The following SCAMP5 variants were observed in gnomAD, a reference collection of about 807,000 sequenced individuals.
The protein encoded by SCAMP5 is secretory carrier-associated membrane protein 5.
A neutral mutation model predicts 28.3 loss-of-function variants in SCAMP5; 7 were observed. That is an observed-to-expected ratio of 0.25 (90% CI 0.14 to 0.46). SCAMP5 has a LOEUF of 0.46. Ranked by LOEUF, SCAMP5 falls within the 20% of genes least tolerant of loss-of-function variation. The pLI, the probability that SCAMP5 is intolerant of heterozygous loss-of-function variation, is 0.99. For synonymous variants in SCAMP5, 117 were observed against 116.4 expected (o/e 1.00, Z -0.03); for missense variants, 192 against 312.5 (o/e 0.61, Z 2.91).
At chr15:74,997,321 G>A (rs2065662397) in intron 1 of SCAMP5, 1 of 152,114 alleles carries the variant, frequency 6.6e-6, no homozygotes, top group Non-Finnish European at 1.5e-5. Context: ...CAGCAGGTTT[G>A]ACAGCAGCTT....
At chr15:75,015,048 G>C (rs188579470) in intron 3 of SCAMP5, among the ~76,000 whole-genome samples, 74 of 152,302 alleles carry the variant, frequency 4.9e-4, no homozygotes, top group African/African-American at 1.6e-3. Context: ...TCTGACCTGG[G>C]CTCTGGGAAC....
At chr15:75,005,428 C>T (rs2065747770) in intron 1 of SCAMP5, among the ~76,000 whole-genome samples, 1 of 151,682 alleles carries the variant, frequency 6.6e-6, no homozygotes, top group African/African-American at 2.4e-5. Context: ...CCATTGCACT[C>T]CATCCTAGGC....
At chr15:75,009,443 G>GTGTGTGTT (rs1195540664) in intron 1 of SCAMP5, among the ~76,000 whole-genome samples, 3 of 109,810 alleles carry the variant, frequency 2.7e-5, no homozygotes, top group African/African-American at 9.3e-5. Context: ...CTAGAAGTTT[G>GTGTGTGTT]TGTGTGTGTG....
intron 1 of SCAMP5, among the ~76,000 whole-genome samples, chr15:75,003,581 G>T (rs575161046): frequency 6.6e-6 from 1 of 152,170 alleles, no homozygotes; most frequent in South Asian, 2.1e-4. Context: ...AAGCCAGGGC[G>T]GGTAGATCGC....
Position 75,018,677 on chromosome 15 carries a change from G to C in SCAMP5, c.514-112G>C. 1 of 1,010,608 alleles carries C rather than the reference G, an allele frequency of 9.9e-7. No individual in the cohort carries two copies. The highest frequency in any genetic ancestry group is 1.6e-6 in the Non-Finnish European group (1 of 643,022). The allele number at this position is 1,010,608 out of a possible 1,614,324, so 62.6% of individuals were successfully genotyped here. ...TGGCCTGCAGGACTCTCCTACAGAGGCATTCATGGGGAGGGAGCACTGTTT... is the reference window on the plus strand; with the variant it reads ...TGGCCTGCAGGACTCTCCTACAGAGCCATTCATGGGGAGGGAGCACTGTTT... On this transcript the variant is annotated intron_variant, in intron 6 of 6. Coordinates refer to ENST00000425597, the MANE Select transcript of SCAMP5 (RefSeq NM_138967.4). This position sits in a 1 kb window ranked among gnomAD's most constrained non-coding sequence, Gnocchi z 5.6.
chr15:75,011,808 G>T lies in SCAMP5; in HGVS notation c.-32G>T, dbSNP rs1414081565. On this transcript the variant is annotated 5_prime_UTR_variant, in exon 2 of 7. Coordinates refer to ENST00000425597, the MANE Select transcript of SCAMP5 (RefSeq NM_138967.4). ...TCCTTGCAGTTCAGGACAAAGAGGT[G>T]TGGGCAGGCCACTGGGCCAGCTGGT... 1 of 1,608,982 alleles carries T rather than the reference G, an allele frequency of 6.2e-7. No individual in the cohort carries two copies. The highest frequency in any genetic ancestry group is 2.2e-5 in the East Asian group (1 of 44,876).
At chr15:75,002,084 C>T (rs995387388) in intron 1 of SCAMP5, among the ~76,000 whole-genome samples, 1 of 151,764 alleles carries the variant, frequency 6.6e-6, no homozygotes, top group Non-Finnish European at 1.5e-5. Flanking sequence ...CCAGGCTGGG[C>T]AATAGAGTGA....
chr15:75,016,307 T>C lies in SCAMP5; in HGVS notation c.137-286T>C, dbSNP rs2065858953. Among the ~76,000 whole-genome samples, 3 of 152,152 alleles carry C rather than the reference T, an allele frequency of 2.0e-5. No individual in the cohort carries two copies. The South Asian group carries it at 6.2e-4, about 32-fold the overall frequency. ...GCTGGGGTTGAGGGGTGGGGGTTGG[T>C]TCGAGCTCCCAGCTTGCGTTCTTAC... On this transcript the variant is annotated intron_variant, in intron 3 of 6. Transcript: ENST00000425597.
At position 75,021,133 on chromosome 15, in the gene SCAMP5, A is replaced by G. The variant is rs1482558414; in HGVS notation, c.*2150A>G. On this transcript the variant is annotated 3_prime_UTR_variant, in exon 7 of 7. Coordinates refer to ENST00000425597, the MANE Select transcript of SCAMP5 (RefSeq NM_138967.4). ...CTACCTGCCTCTTTGGCTTGGACCT[A>G]TATGGCCATGCTCTGGCTCTACCCT... The G allele has an allele frequency of 6.6e-6, 1 of 152,076 alleles. No homozygotes were observed. Among genetic ancestry groups the G allele is most frequent in the Non-Finnish European group, 1.5e-5 (1 of 68,096 alleles). 9.4% of individuals were successfully genotyped at this position (152,076 alleles called of 1,614,324 possible). A position where few individuals can be genotyped will look rare whatever the true frequency, so the allele number is the denominator to read the frequency against.
intron 1 of SCAMP5, chr15:74,995,896 C>G (rs1354614164): frequency 1.3e-5 from 2 of 153,240 alleles, no homozygotes; most frequent in South Asian, 2.1e-4. Flanking sequence ...GCCCCCCAAG[C>G]CCCCCCATTC....
intron 1 of SCAMP5, among the ~76,000 whole-genome samples, chr15:75,000,663 C>T (rs1007166164): frequency 6.8e-6 from 1 of 146,458 alleles, no homozygotes; most frequent in African/African-American, 2.5e-5. Context: ...GGATTACAGG[C>T]GTGAGCCATC....
chr15:75,011,932 A>C (rs1410272196), intron 2 of SCAMP5, 86 bp downstream of exon 2: 9 of 1,117,916 alleles, frequency 8.1e-6, no homozygotes, highest in Non-Finnish European at 1.2e-5. Context: ...TATCTCCCCT[A>C]GTCTTTGGAG....
intron 1 of SCAMP5, among the ~76,000 whole-genome samples, chr15:75,005,869 C>T (rs2065752494): frequency 6.6e-6 from 1 of 151,570 alleles, no homozygotes; most frequent in African/African-American, 2.4e-5. Flanking sequence ...GGACTACAAG[C>T]ACGTGCTACC....
intron 2 of SCAMP5, among the ~76,000 whole-genome samples, chr15:75,012,415 G>A (rs1276797275): frequency 6.6e-6 from 1 of 152,208 alleles, no homozygotes; most frequent in Non-Finnish European, 1.5e-5. Flanking sequence ...CCCTGAGACA[G>A]TGTCACTCAG....
intron 1 of SCAMP5, among the ~76,000 whole-genome samples, chr15:75,009,441 TTGTGTGTGTG>T (rs3057655): frequency 1.1e-4 from 15 of 136,144 alleles, no homozygotes; most frequent in South Asian, 2.5e-4. Context: ...TGCTAGAAGT[TTGTGTGTGTG>T]TGTGTGTGTG....
intron 4 of SCAMP5, among the ~76,000 whole-genome samples, chr15:75,017,006 A>G (rs2065865613): frequency 6.7e-6 from 1 of 149,064 alleles, no homozygotes. Context: ...GACCAGGCCT[A>G]TTTTTTCTTC....
intron 1 of SCAMP5, among the ~76,000 whole-genome samples, chr15:75,004,296 T>G (rs2065736024): frequency 6.6e-6 from 1 of 152,132 alleles, no homozygotes; most frequent in Non-Finnish European, 1.5e-5. Flanking sequence ...TAGCTCCTCA[T>G]GTAGCTGAGA....
chr15:75,001,241 C>T (rs2065704792), intron 1 of SCAMP5, among the ~76,000 whole-genome samples: 1 of 143,788 alleles, frequency 7.0e-6, no homozygotes, highest in Non-Finnish European at 1.5e-5. Context: ...CGTCACTGCA[C>T]TCCAGCCTGG....
At chr15:75,015,455 G>GGT (rs2065850459) in intron 3 of SCAMP5, among the ~76,000 whole-genome samples, 2 of 151,872 alleles carry the variant, frequency 1.3e-5, no homozygotes, top group African/African-American at 4.8e-5. Context: ...GGGACAGAGG[G>GGT]GGGGGGGCCT....
Sources: allele counts gnomAD v4.1 joint callset (sites outside exome capture counted in the v4.1 genomes callset), GRCh38; gene constraint gnomAD v4.1.1; non-coding constraint Gnocchi (gnomAD v3.1); transcripts MANE v1.5; gene names NCBI Gene and HGNC (gene_info 2026-07-23, HGNC 2026-07-21).